Variants in FRMD4A observed in about 807,000 individuals in gnomAD.
The protein encoded by FRMD4A is FERM domain-containing protein 4A.
In FRMD4A, 29 loss-of-function variants were observed where a neutral mutation model predicts 129.1. The ratio of observed to expected loss-of-function variants is 0.22; its 90% CI spans 0.17 to 0.31. FRMD4A has a LOEUF of 0.31. Ranked by LOEUF, FRMD4A falls within the 10% of genes least tolerant of loss-of-function variation. FRMD4A has a pLI of 1.00. For synonymous variants in FRMD4A, 634 were observed against 571.6 expected (o/e 1.11, Z -1.56); for missense variants, 1,272 against 1,375.8 (o/e 0.92, Z 1.19).
At chr10:14,038,310 G>A (rs1033642514) in intron 2 of FRMD4A, among the ~76,000 whole-genome samples, 5 of 152,104 alleles carry the variant, frequency 3.3e-5, no homozygotes, top group African/African-American at 1.2e-4. Flanking sequence ...GCGACAAAGC[G>A]AGACTCCGTC....
At chr10:14,229,061 C>T (rs543311781) in intron 2 of FRMD4A, among the ~76,000 whole-genome samples, 33 of 151,734 alleles carry the variant, frequency 2.2e-4, no homozygotes, top group African/African-American at 8.0e-4. Flanking sequence ...TTCAGCAGTG[C>T]TAATGTTGGA....
chr10:14,108,703 A>G (rs1837712779), intron 2 of FRMD4A, among the ~76,000 whole-genome samples: 1 of 152,230 alleles, frequency 6.6e-6, no homozygotes, highest in Non-Finnish European at 1.5e-5. Context: ...CGCATAGGAA[A>G]AATAAGACAG....
chr10:13,959,938 G>T (rs2095436133), intron 2 of FRMD4A, among the ~76,000 whole-genome samples: 1 of 152,222 alleles, frequency 6.6e-6, no homozygotes, highest in African/African-American at 2.4e-5. Flanking sequence ...CAGACCAGTA[G>T]ATGCCGTGGA....
At chr10:13,816,221 G>A (rs7067545) in intron 3 of FRMD4A, among the ~76,000 whole-genome samples, 59,147 of 152,036 alleles carry the variant, frequency 0.39, 11,627 homozygotes, top group Middle Eastern at 0.44. Context: ...AAATGGAGAA[G>A]TAAAGGCCGT....
At chr10:13,727,094 G>T (rs1393060860) in intron 12 of FRMD4A, among the ~76,000 whole-genome samples, 10 of 151,946 alleles carry the variant, frequency 6.6e-5, no homozygotes, top group African/African-American at 2.4e-4. Context: ...TAGAGACGGG[G>T]CTTCGCTATG....
chr10:13,915,267 A>T (rs1479516777), intron 2 of FRMD4A, among the ~76,000 whole-genome samples: 1 of 152,168 alleles, frequency 6.6e-6, no homozygotes. Context: ...TAGCTCTAGC[A>T]GTGGGAAGGC....
At chr10:13,981,409 C>A (rs925105976) in intron 2 of FRMD4A, among the ~76,000 whole-genome samples, 1 of 152,076 alleles carries the variant, frequency 6.6e-6, no homozygotes, top group East Asian at 1.9e-4. Context: ...AGCAAACAGA[C>A]TGAAAGGTGT....
intron 2 of FRMD4A, among the ~76,000 whole-genome samples, chr10:14,312,967 AC>A (rs1846607154): frequency 6.6e-6 from 1 of 152,220 alleles, no homozygotes; most frequent in African/African-American, 2.4e-5. Flanking sequence ...TACACAAGAA[AC>A]TAAAGTATTA....
intron 8 of FRMD4A, among the ~76,000 whole-genome samples, chr10:13,751,097 T>C (rs968139402): frequency 3.3e-5 from 5 of 152,202 alleles, no homozygotes; most frequent in Non-Finnish European, 5.9e-5. Context: ...AGTGGCTCCC[T>C]GAAGGAGCTG....
intron 2 of FRMD4A, among the ~76,000 whole-genome samples, chr10:14,025,089 T>C (rs1373538319): frequency 6.6e-6 from 1 of 152,220 alleles, no homozygotes; most frequent in African/African-American, 2.4e-5. Context: ...GAAACGAAAG[T>C]TGTGAGGGTA....
At chr10:13,763,849 T>C (rs75237074) in intron 6 of FRMD4A, among the ~76,000 whole-genome samples, 2,008 of 152,126 alleles carry the variant, frequency 0.013, 81 homozygotes, top group South Asian at 0.12. Flanking sequence ...GATTTTCCTG[T>C]CTCAGCCTCC....
chr10:13,771,250 A>AT (rs199910290), intron 6 of FRMD4A, among the ~76,000 whole-genome samples: 5 of 151,820 alleles, frequency 3.3e-5, no homozygotes, highest in Admixed American at 6.6e-5. Flanking sequence ...AATTAAATAT[A>AT]TTTTTTTGTA....
intron 2 of FRMD4A, among the ~76,000 whole-genome samples, chr10:14,143,894 C>T (rs529711595): frequency 9.9e-5 from 15 of 152,250 alleles, no homozygotes; most frequent in African/African-American, 3.4e-4. Flanking sequence ...CAGGTATAAG[C>T]CACCATGCCT....
intron 2 of FRMD4A, among the ~76,000 whole-genome samples, chr10:13,943,432 A>G (rs1198249434): frequency 6.6e-6 from 1 of 151,942 alleles, no homozygotes; most frequent in Non-Finnish European, 1.5e-5. Context: ...GATGGATCAC[A>G]AGGTCAAGAG....
chr10:14,236,731 G>A (rs2131996650), intron 2 of FRMD4A, among the ~76,000 whole-genome samples: 1 of 152,274 alleles, frequency 6.6e-6, no homozygotes, highest in Middle Eastern at 3.4e-3. Context: ...TCAGCAAGCG[G>A]TTCAGAGGAT....
intron 6 of FRMD4A, among the ~76,000 whole-genome samples, chr10:13,777,890 C>T (rs908415180): frequency 1.1e-4 from 16 of 150,608 alleles, no homozygotes; most frequent in Admixed American, 4.7e-4. Flanking sequence ...CCTCAGCCTC[C>T]CGGGTTCGCT....
At position 14,197,406 on chromosome 10, in the gene FRMD4A, A is replaced by T. The variant is rs1589155262; in HGVS notation, c.45+132652T>A. 2.0e-5 allele frequency among the ~76,000 whole-genome samples: 3 copies of T among 152,238 alleles called. No individual in the cohort carries two copies. The Middle Eastern group carries it at 0.01, about 518-fold the overall frequency. On this transcript the variant is annotated intron_variant, in intron 2 of 24. Transcript: ENST00000357447. ...TATTTTTTATATTTTACTTTTTGAG[A>T]TGGAGTCTAGCTCGTGGTGCAATCT...
intron 24 of FRMD4A, 145 bp downstream of exon 24, chr10:13,651,758 A>G: frequency 1.6e-6 from 1 of 632,138 alleles, no homozygotes; most frequent in Non-Finnish European, 2.9e-6. Flanking sequence ...AGCTAAAAAC[A>G]TAGTTCCAGT....
chr10:13,679,472 TATACAC>T (rs1228163575), intron 15 of FRMD4A, among the ~76,000 whole-genome samples: 1 of 21,386 alleles, frequency 4.7e-5, no homozygotes, highest in Non-Finnish European at 7.7e-5. Flanking sequence ...TATATATATA[TATACAC>T]ACACACACAC....
Sources: gnomAD v4.1 joint callset for allele counts (sites outside exome capture counted in the v4.1 genomes callset) on GRCh38, gnomAD v4.1.1 for gene constraint, MANE v1.5 for transcripts, NCBI Gene and HGNC (gene_info 2026-07-23, HGNC 2026-07-21) for gene names.